Variants in GLDC observed in about 807,000 individuals in gnomAD.
The protein encoded by GLDC is glycine decarboxylase.
GLDC carries 104 observed loss-of-function variants against 121.3 expected under a neutral mutation model. The observed-to-expected ratio is 0.86, with a 90% CI of 0.73 to 1.01. The LOEUF (loss-of-function observed/expected upper bound fraction) is 1.01. Among genes scored for constraint, GLDC ranks in the 50% least tolerant of loss-of-function variants. The pLI, the probability that GLDC is intolerant of heterozygous loss-of-function variation, is 0.00. For synonymous variants in GLDC, 546 were observed against 480.6 expected, an observed-to-expected ratio of 1.14 and a Z score of -1.78; for missense variants, 1,429 against 1,306.6, an observed-to-expected ratio of 1.09 and a Z score of -1.44.
chr9:6,580,109 G>C (rs996952666), intron 15 of GLDC, among the ~76,000 whole-genome samples: 1 of 152,146 alleles, frequency 6.6e-6, no homozygotes, highest in Non-Finnish European at 1.5e-5. Context: ...AGAGACCTTC[G>C]ACCCAGGAAC....
intron 8 of GLDC, among the ~76,000 whole-genome samples, chr9:6,597,241 C>A (rs942158274): frequency 6.6e-6 from 1 of 152,164 alleles, no homozygotes; most frequent in Admixed American, 6.5e-5. Context: ...GGAGTGACTA[C>A]TTCATAGGAA....
chr9:6,573,965 T>C (rs1818014031), intron 15 of GLDC, among the ~76,000 whole-genome samples: 1 of 152,232 alleles, frequency 6.6e-6, no homozygotes, highest in Non-Finnish European at 1.5e-5. Context: ...TCAAGTACCC[T>C]AACGTTAGCC....
chr9:6,610,084 A>G (rs1246241426), intron 4 of GLDC, 108 bp downstream of exon 4: 4 of 859,116 alleles, frequency 4.7e-6, no homozygotes, highest in Non-Finnish European at 5.6e-6. Context: ...GAAAAGTCAT[A>G]CTCTAGAAAG....
intron 15 of GLDC, among the ~76,000 whole-genome samples, chr9:6,581,987 G>C (rs1166128563): frequency 6.6e-6 from 1 of 151,818 alleles, no homozygotes; most frequent in Non-Finnish European, 1.5e-5. Context: ...GGCTGAGGCA[G>C]GAGGATCACC....
chr9:6,629,957 A>ATATATTTTTT, intron 2 of GLDC, among the ~76,000 whole-genome samples: 1 of 83,096 alleles, frequency 1.2e-5, no homozygotes, highest in African/African-American at 6.9e-5. Context: ...ATATATATAT[A>ATATATTTTTT]TTTTTTTTTT....
intron 15 of GLDC, among the ~76,000 whole-genome samples, chr9:6,585,969 T>C (rs1489183240): frequency 2.0e-5 from 3 of 152,088 alleles, no homozygotes; most frequent in Non-Finnish European, 2.9e-5. Context: ...CCAAATTGAC[T>C]GTGTATTAGA....
At chr9:6,643,379 C>T (rs868807295) in intron 2 of GLDC, among the ~76,000 whole-genome samples, 1 of 150,996 alleles carries the variant, frequency 6.6e-6, no homozygotes, top group South Asian at 2.1e-4. Flanking sequence ...CTCCATACCT[C>T]AAATGTCCAC....
intron 15 of GLDC, among the ~76,000 whole-genome samples, chr9:6,584,681 G>C (rs1818233216): frequency 6.6e-6 from 1 of 152,164 alleles, no homozygotes. Flanking sequence ...TTTCTCATCT[G>C]TCACAGCAGC....
intron 24 of GLDC, 67 bp downstream of exon 24, chr9:6,534,641 T>A: frequency 2.5e-6 from 2 of 809,984 alleles, no homozygotes; most frequent in Non-Finnish European, 4.4e-6. Context: ...GCTAAGAGCG[T>A]ACACCCGTCA....
chr9:6,604,972 G>T (rs1324087915), intron 6 of GLDC, among the ~76,000 whole-genome samples, 159 bp downstream of exon 6: 2 of 152,142 alleles, frequency 1.3e-5, no homozygotes, highest in Admixed American at 6.5e-5. Context: ...TCCGGGAACA[G>T]AAAAAAGTAG....
intron 5 of GLDC, among the ~76,000 whole-genome samples, chr9:6,606,385 C>T (rs1463188757): frequency 6.6e-6 from 1 of 151,782 alleles, no homozygotes; most frequent in Non-Finnish European, 1.5e-5. Context: ...TTGTGTATTT[C>T]CCCACTCAAT....
intron 21 of GLDC, among the ~76,000 whole-genome samples, chr9:6,544,944 A>G (rs572955876): frequency 3.3e-5 from 5 of 152,048 alleles, no homozygotes; most frequent in Non-Finnish European, 5.9e-5. Context: ...TACTAAAAAT[A>G]CAAAGTTAGC....
chr9:6,580,820 C>G (rs1818158318), intron 15 of GLDC, among the ~76,000 whole-genome samples: 1 of 152,180 alleles, frequency 6.6e-6, no homozygotes, highest in Non-Finnish European at 1.5e-5. Flanking sequence ...TGCCATCTTC[C>G]CCTGAAAGGC....
At chr9:6,591,973 G>T in intron 11 of GLDC, 170 bp downstream of exon 11, 1 of 657,994 alleles carries the variant, frequency 1.5e-6, no homozygotes, top group Non-Finnish European at 2.8e-6. Flanking sequence ...CTACAGCAGT[G>T]ACCTCCAGCT....
At chr9:6,593,059 G>A in intron 9 of GLDC, 69 bp from the exon 10 acceptor site, 2 of 1,522,312 alleles carry the variant, frequency 1.3e-6, no homozygotes, top group East Asian at 4.5e-5. Context: ...ACATGTCACA[G>A]AATAATAAAG....
intron 2 of GLDC, among the ~76,000 whole-genome samples, chr9:6,626,520 G>GACCACTTACA (rs138476349): frequency 0.23 from 34,656 of 151,994 alleles, 3,902 homozygotes; most frequent in South Asian, 0.3. Context: ...TTTCAAGACT[G>GACCACTTACA]TGGGTCTTTA....
intron 18 of GLDC, among the ~76,000 whole-genome samples, chr9:6,555,642 A>G (rs539544639): frequency 1.3e-5 from 2 of 152,142 alleles, no homozygotes; most frequent in African/African-American, 4.8e-5. Flanking sequence ...ATTTAAAAAA[A>G]TTAGCTGGGT....
chr9:6,629,957 A>ATATATATTTTT, intron 2 of GLDC, among the ~76,000 whole-genome samples: 2 of 83,060 alleles, frequency 2.4e-5, no homozygotes, highest in African/African-American at 6.8e-5. Flanking sequence ...ATATATATAT[A>ATATATATTTTT]TTTTTTTTTT....
Position 6,533,102 on chromosome 9 carries a change from T to C in GLDC, c.2978A>G (p.Tyr993Cys), listed in dbSNP as rs1187433357. 4.3e-6 allele frequency: 7 copies of C among 1,611,742 alleles called. No individual in the cohort carries two copies. Among genetic ancestry groups the C allele is most frequent in the Non-Finnish European group, 5.9e-6 (7 of 1,177,850 alleles). The change falls in exon 25 of 25, where the codon TAT becomes TGT. Residue 993 changes from tyrosine to cysteine, a missense_variant. Physicochemically the swap from Tyr to Cys is radical, Grantham distance 194. Coordinates refer to ENST00000321612, the MANE Select transcript of GLDC (RefSeq NM_000170.3). The part of the protein sequence containing the change: ...WPTIARIDDI[Y>C]GDQHLVCTCP... ...GGTACAAACCAGGTGCTGATCTCCA[T>C]ATATGTCATCAATCCGGGCAATCGT...
Sources: gnomAD v4.1 joint callset for allele counts (sites outside exome capture counted in the v4.1 genomes callset) on GRCh38, gnomAD v4.1.1 for gene constraint, MANE v1.5 for transcripts, NCBI Gene and HGNC (gene_info 2026-07-23, HGNC 2026-07-21) for gene names.